The following ZNF462 variants were observed in gnomAD, a reference collection of about 807,000 sequenced individuals.
ZNF462 encodes the protein zinc finger PBX1-interacting protein.
ZNF462 carries 10 observed loss-of-function variants against 201.9 expected under a neutral mutation model. The ratio of observed to expected loss-of-function variants is 0.05; its 90% CI spans 0.03 to 0.08. The LOEUF (loss-of-function observed/expected upper bound fraction) is 0.08. Among genes scored for constraint, ZNF462 ranks in the 10% least tolerant of loss-of-function variants. The pLI is 1.00. For missense variants in ZNF462, 2,523 were observed against 3,168.3 expected, an observed-to-expected ratio of 0.80 and a Z score of 4.89; for synonymous variants, 1,227 against 1,193.3, an observed-to-expected ratio of 1.03 and a Z score of -0.58.
At chr9:106,986,277 T>C (rs1827824831) in intron 10 of ZNF462, among the ~76,000 whole-genome samples, 1 of 152,140 alleles carries the variant, frequency 6.6e-6, no homozygotes, top group African/African-American at 2.4e-5. Flanking sequence ...CTCAGGAACA[T>C]AGGGCCCAAT....
rs1306789765 is a variant in ZNF462, at chr9:106,880,830, C to T, written c.-31+17475C>T. On this transcript the variant is annotated intron_variant, in intron 1 of 12. Transcript: ENST00000277225. This position sits in a 1 kb window ranked among gnomAD's most constrained non-coding sequence, Gnocchi z 4.1. Reference sequence around the variant, plus strand: ...ACTCCCAAGATGGATTGGGTCCACACATTCCTAGACCTTTGACCTTTATAC... The same window carrying T: ...ACTCCCAAGATGGATTGGGTCCACATATTCCTAGACCTTTGACCTTTATAC... 6.6e-6 allele frequency among the ~76,000 whole-genome samples: 1 copy of T among 152,188 alleles called. No homozygotes were observed. Among genetic ancestry groups the T allele is most frequent in the Admixed American group, 6.5e-5 (1 of 15,268 alleles).
Position 106,872,638 on chromosome 9 carries a change from C to T in ZNF462, c.-31+9283C>T, listed in dbSNP as rs1056065627. Among the ~76,000 whole-genome samples the T allele has an allele frequency of 2.6e-5, 4 of 152,202 alleles. No individual in the cohort carries two copies. The highest frequency in any genetic ancestry group is 7.2e-5 in the African/African-American group (3 of 41,448). The stretch of plus-strand genomic sequence containing the variant: ...TCGGCCTTCCAAAGTGCTACGACTA[C>T]AGGCATGAGCCACCATGCCCGGCCT... On this transcript the variant is annotated intron_variant, in intron 1 of 12. Transcript: ENST00000277225. The surrounding 1 kb of genome is among the most constrained non-coding windows in gnomAD (Gnocchi z 4.5).
In ZNF462 at chr9:107,008,398, G is replaced by A. The variant is rs1035113215; in HGVS notation, c.7190-1147G>A. 1.3e-5 allele frequency among the ~76,000 whole-genome samples: 2 copies of A among 152,114 alleles called. No individual in the cohort carries two copies. Among genetic ancestry groups the A allele is most frequent in the Non-Finnish European group, 2.9e-5 (2 of 68,032 alleles). On this transcript the variant is annotated intron_variant, in intron 11 of 12. Coordinates refer to ENST00000277225, the MANE Select transcript of ZNF462 (RefSeq NM_021224.6). This position sits in a 1 kb window ranked among gnomAD's most constrained non-coding sequence, Gnocchi z 4.8. Reference sequence around the variant, plus strand: ...GTGCTGAAGATTAAGGCATCACAGAGCCCCCCATCCTGTTAACATCGTCCT... The same window carrying A: ...GTGCTGAAGATTAAGGCATCACAGAACCCCCCATCCTGTTAACATCGTCCT...
chr9:106,908,926 T>TATAC lies in ZNF462; in HGVS notation c.-30-14425_-30-14424insCATA, dbSNP rs1262062235. ...CCATATATACATATATATATATATA[T>TATAC]ATATATATATATATATTTTTTTTTT... On this transcript the variant is annotated intron_variant, in intron 1 of 12. Coordinates refer to ENST00000277225, the MANE Select transcript of ZNF462 (RefSeq NM_021224.6). Among the ~76,000 whole-genome samples the TATAC allele has an allele frequency of 8.0e-3, 276 of 34,462 alleles. 3 individuals carry two copies. The highest frequency in any genetic ancestry group is 0.012 in the Non-Finnish European group (228 of 18,796). 22.6% of individuals were successfully genotyped at this position (34,462 alleles called of 152,430 possible). A position where few individuals can be genotyped will look rare whatever the true frequency, so the allele number is the denominator to read the frequency against.
upstream of ZNF462, among the ~76,000 whole-genome samples, chr9:106,860,854 A>T (rs1006864920): frequency 6.6e-6 from 1 of 151,998 alleles, no homozygotes; most frequent in Admixed American, 6.6e-5. The surrounding 1 kb of genome is among the most constrained non-coding windows in gnomAD (Gnocchi z 7.1). Flanking sequence ...CCCTCCGGGC[A>T]CTCGGAAGGG....
Position 106,935,729 on chromosome 9 carries a change from T to C in ZNF462, c.6235+108T>C. ...TCCTGCCTTACACTTGAGAATGTTA[T>C]TCTTGGGATGGATGTATATTCAGTT... On this transcript the variant is annotated intron_variant, in intron 6 of 12. Coordinates refer to ENST00000277225, the MANE Select transcript of ZNF462 (RefSeq NM_021224.6). The surrounding 1 kb of genome is among the most constrained non-coding windows in gnomAD (Gnocchi z 4.1). 1.2e-6 allele frequency: 1 copy of C among 804,024 alleles called. No individual in the cohort carries two copies. Among genetic ancestry groups the C allele is most frequent in the Non-Finnish European group, 2.0e-6 (1 of 511,346 alleles). 49.8% of individuals were successfully genotyped at this position (804,024 alleles called of 1,614,324 possible). A position where few individuals can be genotyped will look rare whatever the true frequency, so the allele number is the denominator to read the frequency against.
At position 106,979,065 on chromosome 9, in the gene ZNF462, A is replaced by T. The variant is rs1588147215; in HGVS notation, c.6832+4792A>T. 7 of 167,082 alleles carry T rather than the reference A, an allele frequency of 4.2e-5. 1 individual carries two copies. The East Asian group carries it at 1.3e-3, about 30-fold the overall frequency. 10.3% of individuals were successfully genotyped at this position (167,082 alleles called of 1,614,324 possible). A position where few individuals can be genotyped will look rare whatever the true frequency, so the allele number is the denominator to read the frequency against. On this transcript the variant is annotated intron_variant, in intron 9 of 12. Coordinates refer to ENST00000277225, the MANE Select transcript of ZNF462 (RefSeq NM_021224.6). The stretch of plus-strand genomic sequence containing the variant: ...GACTCCCTTCTTAGGACTCAGGGCA[A>T]GCGGGAAGACAGCCAGCTCCATGGG...
At position 107,009,389 on chromosome 9, in the gene ZNF462, G is replaced by A; in HGVS notation, c.7190-156G>A. On this transcript the variant is annotated intron_variant, in intron 11 of 12. Transcript: ENST00000277225. This position sits in a 1 kb window ranked among gnomAD's most constrained non-coding sequence, Gnocchi z 6.1. ...GAATGCTATTCAAGGAATGCCCTAAGGGGGAAACCTAAGAAAAAGTGAGGA... is the reference window on the plus strand; with the variant it reads ...GAATGCTATTCAAGGAATGCCCTAAAGGGGAAACCTAAGAAAAAGTGAGGA... The A allele has an allele frequency of 9.7e-7, 1 of 1,030,424 alleles. No individual in the cohort carries two copies. Among genetic ancestry groups the A allele is most frequent in the South Asian group, 1.7e-5 (1 of 57,954 alleles). 63.8% of individuals were successfully genotyped at this position (1,030,424 alleles called of 1,614,324 possible).
intron 7 of ZNF462, 83 bp downstream of exon 7, chr9:106,939,190 A>T (rs1830760264): frequency 7.4e-7 from 1 of 1,343,616 alleles, no homozygotes; most frequent in South Asian, 1.6e-5. Context: ...TTTTTAGAGG[A>T]AAATCTTATG....
intron 7 of ZNF462, among the ~76,000 whole-genome samples, chr9:106,940,037 A>G (rs1013465088): frequency 1.3e-4 from 20 of 152,144 alleles, no homozygotes; most frequent in Admixed American, 1.3e-4. Flanking sequence ...ATCTACTGTT[A>G]CATTCTTGGG....
rs371044181 is a variant in ZNF462 at position 106,924,395 on chromosome 9, C to T, written c.483C>T (p.Val161=). ...TGATGCACGAGGGATTTGGAAAGGT[C>T]TTCTCTTGCCAGTTTTGCACATACA... The part of the protein sequence containing the change: ...NIMMHEGFGK[V]FSCQFCTYKS... Residue 161 remains valine (V), a synonymous_variant, in exon 3 of 13, where the codon GTC becomes GTT. Coordinates refer to ENST00000277225, the MANE Select transcript of ZNF462 (RefSeq NM_021224.6). The surrounding 1 kb of genome is among the most constrained non-coding windows in gnomAD (Gnocchi z 6.2). The T allele has an allele frequency of 5.7e-5, 92 of 1,614,174 alleles. No homozygotes were observed. Among genetic ancestry groups the T allele is most frequent in the Middle Eastern group, 4.9e-4 (3 of 6,062 alleles).
In ZNF462 at chr9:106,886,236, A is replaced by T. The variant is rs1828310862; in HGVS notation, c.-31+22881A>T. 6.6e-6 allele frequency among the ~76,000 whole-genome samples: 1 copy of T among 152,138 alleles called. No homozygotes were observed. The highest frequency in any genetic ancestry group is 2.4e-5 in the African/African-American group (1 of 41,428). ...GGTTAAGAAGGTGGCTGGGATTGTT[A>T]CCTCACTGGACCGCTCTTTAAACTT... On this transcript the variant is annotated intron_variant, in intron 1 of 12. Coordinates refer to ENST00000277225, the MANE Select transcript of ZNF462 (RefSeq NM_021224.6). The surrounding 1 kb of genome is among the most constrained non-coding windows in gnomAD (Gnocchi z 4.6).
intron 10 of ZNF462, among the ~76,000 whole-genome samples, chr9:106,985,605 A>G (rs1233693571): frequency 6.6e-6 from 1 of 152,222 alleles, no homozygotes; most frequent in Non-Finnish European, 1.5e-5. Flanking sequence ...AACAAGTCCA[A>G]AATATCTATT....
At chr9:106,939,140 C>G in intron 7 of ZNF462, 33 bp downstream of exon 7, 1 of 1,533,622 alleles carries the variant, frequency 6.5e-7, no homozygotes, top group Non-Finnish European at 8.8e-7. Flanking sequence ...GAATTAACCA[C>G]TCAGGGTTGA....
chr9:106,892,569 A>G (rs1176216239), intron 1 of ZNF462, among the ~76,000 whole-genome samples: 5 of 152,020 alleles, frequency 3.3e-5, no homozygotes, highest in African/African-American at 1.2e-4. Context: ...CCAAACTCCA[A>G]GGCAGTGGAA....
Position 107,010,910 on chromosome 9 carries a change from G to A in ZNF462, c.7401G>A (p.Glu2467=). ...MENSVKMPSI[E]EKEDDEAIGI... is the part of the protein sequence containing the mutation. ...ACAGTGTTAAAATGCCCTCCATAGA[G>A]GAAAAGGAAGATGACGAGGCCATTG... is the stretch of plus-strand genomic sequence containing the variant. Residue 2467 remains glutamate, a synonymous_variant, in exon 13 of 13, where the codon GAG becomes GAA. Coordinates refer to ENST00000277225, the MANE Select transcript of ZNF462 (RefSeq NM_021224.6). This position sits in a 1 kb window ranked among gnomAD's most constrained non-coding sequence, Gnocchi z 4.6. 1 of 1,613,710 alleles carries A rather than the reference G, an allele frequency of 6.2e-7. No individual in the cohort carries two copies. Among genetic ancestry groups the A allele is most frequent in the Non-Finnish European group, 8.5e-7 (1 of 1,179,886 alleles).
rs3814542 is a variant in ZNF462 at position 106,890,940 on chromosome 9, T to C, written c.-31+27585T>C. On this transcript the variant is annotated intron_variant, in intron 1 of 12. Transcript: ENST00000277225. The surrounding 1 kb of genome is among the most constrained non-coding windows in gnomAD (Gnocchi z 4.2). The stretch of plus-strand genomic sequence containing the variant: ...AAAATCTGATGGTTTTCTTTGTACC[T>C]TTCTGGTTGAGTAAAGAATAAGATA... Among the ~76,000 whole-genome samples the C allele has an allele frequency of 0.25, 37,698 of 152,146 alleles. 5,657 individuals carry two copies. Among genetic ancestry groups the C allele is most frequent in the African/African-American group, 0.42 (17,466 of 41,426 alleles).
At chr9:106,994,824 C>G (rs895135267) in intron 10 of ZNF462, among the ~76,000 whole-genome samples, 1 of 152,100 alleles carries the variant, frequency 6.6e-6, no homozygotes, top group Non-Finnish European at 1.5e-5. Flanking sequence ...CCACTAAACT[C>G]CCCAGTCAAA....
Position 106,880,129 on chromosome 9 carries a change from A to G in ZNF462, c.-31+16774A>G, listed in dbSNP as rs776873813. Among the ~76,000 whole-genome samples the G allele has an allele frequency of 7.2e-5, 11 of 152,174 alleles. No individual in the cohort carries two copies. Among genetic ancestry groups the G allele is most frequent in the Admixed American group, 3.9e-4 (6 of 15,282 alleles). On this transcript the variant is annotated intron_variant, in intron 1 of 12. Coordinates refer to ENST00000277225, the MANE Select transcript of ZNF462 (RefSeq NM_021224.6). The surrounding 1 kb of genome is among the most constrained non-coding windows in gnomAD (Gnocchi z 4.1). ...CAAACAGAGTTGCTCGTAACCACCA[A>G]GAGCCCTCTCAATTTCTGCCGCCCG... is the stretch of plus-strand genomic sequence containing the variant.
Sources: gnomAD v4.1 joint callset for allele counts (sites outside exome capture counted in the v4.1 genomes callset) on GRCh38, gnomAD v4.1.1 for gene constraint, Gnocchi (gnomAD v3.1) non-coding constraint, MANE v1.5 for transcripts, NCBI Gene and HGNC (gene_info 2026-07-23, HGNC 2026-07-21) for gene names.